Variants in SMYD4 observed in about 807,000 individuals in gnomAD.
SMYD4 encodes the protein protein-lysine N-methyltransferase SMYD4.
A neutral mutation model predicts 72.8 loss-of-function variants in SMYD4; 68 were observed. That is an observed-to-expected ratio of 0.93 (90% CI 0.77 to 1.14). The LOEUF (loss-of-function observed/expected upper bound fraction) is 1.14, where lower values mean the gene tolerates loss of function less well. Ranked by LOEUF, SMYD4 falls within the 50% of genes most tolerant of loss-of-function variation. The probability of loss-of-function intolerance (pLI) is 0.00; values close to 1 mark genes in which losing one functional copy is unlikely to be tolerated. For missense variants in SMYD4, 984 were observed against 1,003.7 expected, an observed-to-expected ratio of 0.98 and a Z score of 0.27; for synonymous variants, 407 against 388.6, an observed-to-expected ratio of 1.05 and a Z score of -0.56.
chr17:1,816,172 T>C (rs976715891), intron 2 of SMYD4, among the ~76,000 whole-genome samples: 2 of 152,192 alleles, frequency 1.3e-5, no homozygotes, highest in Admixed American at 6.6e-5. Context: ...AACTCCATTC[T>C]GCTTTCTGCC....
rs140207568 is a variant in SMYD4, at chr17:1,821,739, T to C, written c.134+6122A>G. Among the ~76,000 whole-genome samples, 242 of 152,278 alleles carry C rather than the reference T, an allele frequency of 1.6e-3. 4 individuals carry two copies. The East Asian group carries it at 0.027, about 17-fold the overall frequency. ...TGAGGTTGGGAGTTTGAGACCAGCC[T>C]GGCCAACATGGTGAAACCCCATCTC... On this transcript the variant is annotated intron_variant, in intron 2 of 10. Transcript: ENST00000305513.
chr17:1,804,791 C>T, intron 3 of SMYD4, 76 bp from the exon 4 acceptor site: 1 of 1,437,368 alleles, frequency 7.0e-7, no homozygotes, highest in Non-Finnish European at 9.7e-7. Context: ...ATATTCCGGG[C>T]TCTAGTACTG....
Position 1,789,743 on chromosome 17 carries a change from T to C in SMYD4, c.1538-2139A>G, listed in dbSNP as rs369129373. On this transcript the variant is annotated intron_variant, in intron 5 of 10. Coordinates refer to ENST00000305513, the MANE Select transcript of SMYD4 (RefSeq NM_052928.3). Reference sequence around the variant, plus strand: ...TCGCACCACTGCACTCCAGCCTGGGTGAAAGAGCGAGACTCTGTCTCAAAA... The same window carrying C: ...TCGCACCACTGCACTCCAGCCTGGGCGAAAGAGCGAGACTCTGTCTCAAAA... Among the ~76,000 whole-genome samples, 922 of 111,806 alleles carry C rather than the reference T, an allele frequency of 8.2e-3. 8 individuals are homozygous for C. The highest frequency in any genetic ancestry group is 0.027 in the African/African-American group (876 of 32,744). The allele number at this position is 111,806 out of a possible 152,430, so 73.3% of individuals were successfully genotyped here.
rs1176271371 is a variant in SMYD4 at position 1,812,131 on chromosome 17, A to C, written c.135-16T>G. The C allele has an allele frequency of 6.2e-7, 1 of 1,608,842 alleles. No homozygotes were observed. Among genetic ancestry groups the C allele is most frequent in the East Asian group, 2.2e-5 (1 of 44,878 alleles). ...ATCCTCAGGTCTGCATGAAGAAAGG[A>C]GGAAACAAAGTAAGCAGAAATGTGT... On this transcript the variant is annotated splice_polypyrimidine_tract_variant and intron_variant, in intron 2 of 10. Transcript: ENST00000305513.
intron 3 of SMYD4, among the ~76,000 whole-genome samples, chr17:1,806,099 T>G (rs992832121): frequency 3.3e-5 from 5 of 151,838 alleles, no homozygotes; most frequent in African/African-American, 1.2e-4. Flanking sequence ...CAATTTTTTG[T>G]ATTTTTTAGT....
chr17:1,829,539 G>T (rs1911409298), intron 1 of SMYD4, 187 bp downstream of exon 1: 1 of 152,556 alleles, frequency 6.6e-6, no homozygotes, highest in Non-Finnish European at 1.5e-5. Flanking sequence ...CTTCTCTAAG[G>T]ACGGGGGCCG....
At chr17:1,819,408 G>A (rs561804671) in intron 2 of SMYD4, among the ~76,000 whole-genome samples, 1 of 152,088 alleles carries the variant, frequency 6.6e-6, no homozygotes, top group Non-Finnish European at 1.5e-5. Flanking sequence ...TATACTTCTT[G>A]TTGCCTCAAA....
At chr17:1,785,777 A>AAAAAAAG (rs1908654814) in intron 7 of SMYD4, among the ~76,000 whole-genome samples, 1 of 12,794 alleles carries the variant, frequency 7.8e-5, no homozygotes, top group African/African-American at 2.5e-4. Context: ...AAAAAAAAAG[A>AAAAAAAG]AAAAAAAAAA....
At chr17:1,804,870 A>G (rs1424818451) in intron 3 of SMYD4, among the ~76,000 whole-genome samples, 155 bp from the exon 4 acceptor site, 1 of 152,212 alleles carries the variant, frequency 6.6e-6, no homozygotes, top group African/African-American at 2.4e-5. Context: ...ACTACCTGAG[A>G]GCAAAGCTGT....
chr17:1,811,421 G>A (rs1421645732), intron 3 of SMYD4, among the ~76,000 whole-genome samples: 2 of 152,184 alleles, frequency 1.3e-5, no homozygotes, highest in Non-Finnish European at 2.9e-5. Context: ...GGCCTCAAGT[G>A]ATCCTCCCGA....
chr17:1,825,123 G>A (rs1337694776), intron 2 of SMYD4, among the ~76,000 whole-genome samples: 2 of 152,064 alleles, frequency 1.3e-5, no homozygotes, highest in African/African-American at 4.8e-5. Context: ...TGATAGCAAC[G>A]TGAGAATGGA....
At chr17:1,782,476 C>T (rs1908416155) in intron 10 of SMYD4, 1 of 76,720 alleles carries the variant, frequency 1.3e-5, no homozygotes, top group African/African-American at 5.2e-5. Context: ...AAGACCCCTT[C>T]TCAAAAAAAA....
intron 2 of SMYD4, among the ~76,000 whole-genome samples, chr17:1,824,004 A>G (rs719913): frequency 0.73 from 110,614 of 152,054 alleles, 41,159 homozygotes; most frequent in Non-Finnish European, 0.8. Flanking sequence ...CATACTTTGA[A>G]GGGGGTTTCT....
At chr17:1,785,439 G>GAAAAAAAAAAAAAAA (rs56261871) in intron 7 of SMYD4, among the ~76,000 whole-genome samples, 1 of 124,550 alleles carries the variant, frequency 8.0e-6, no homozygotes, top group Non-Finnish European at 1.7e-5. Flanking sequence ...AAAAGAAAAA[G>GAAAAAAAAAAAAAAA]AAAAAAAAAA....
intron 5 of SMYD4, among the ~76,000 whole-genome samples, chr17:1,792,182 A>G (rs547510154): frequency 6.6e-6 from 1 of 151,984 alleles, no homozygotes; most frequent in East Asian, 2.0e-4. Context: ...AGCTGGGACT[A>G]CAGGCGCCCG....
In SMYD4 at chr17:1,780,332, A is replaced by G. The variant is rs1027246484; in HGVS notation, c.*954T>C. 1.3e-5 allele frequency: 2 copies of G among 151,378 alleles called. No homozygotes were observed. The highest frequency in any genetic ancestry group is 4.9e-5 in the African/African-American group (2 of 41,180). The allele number at this position is 151,378 out of a possible 1,614,324, so 9.4% of individuals were successfully genotyped here. A position where few individuals can be genotyped will look rare whatever the true frequency, so the allele number is the denominator to read the frequency against. The stretch of plus-strand genomic sequence containing the variant: ...TACCAGGCTCAGGTGACCCTATCTC[A>G]GCTTCTCGAGTAGGTGGGACTACAG... On this transcript the variant is annotated 3_prime_UTR_variant, in exon 11 of 11. Transcript: ENST00000305513.
intron 2 of SMYD4, among the ~76,000 whole-genome samples, chr17:1,815,314 G>A (rs1413206885): frequency 6.6e-6 from 1 of 151,942 alleles, no homozygotes; most frequent in East Asian, 1.9e-4. Context: ...CACCCGCCTT[G>A]GCCTCCCAAA....
rs982924043 is a variant in SMYD4, at chr17:1,780,079, C to G, written c.*1207G>C. On this transcript the variant is annotated 3_prime_UTR_variant, in exon 11 of 11. Coordinates refer to ENST00000305513, the MANE Select transcript of SMYD4 (RefSeq NM_052928.3). Reference sequence around the variant, plus strand: ...AACTGGGAGTTTGTACTGGAGGCCACTTAACTATTTCAAAAAATATTCACC... The same window carrying G: ...AACTGGGAGTTTGTACTGGAGGCCAGTTAACTATTTCAAAAAATATTCACC... 1 of 152,270 alleles carries G rather than the reference C, an allele frequency of 6.6e-6. No homozygotes were observed. Among genetic ancestry groups the G allele is most frequent in the Non-Finnish European group, 1.5e-5 (1 of 68,030 alleles). 9.4% of individuals were successfully genotyped at this position (152,270 alleles called of 1,614,324 possible).
At chr17:1,820,782 T>G (rs1041555907) in intron 2 of SMYD4, among the ~76,000 whole-genome samples, 7 of 152,180 alleles carry the variant, frequency 4.6e-5, no homozygotes, top group African/African-American at 1.7e-4. Flanking sequence ...ATGAAAGGCA[T>G]CTCTTGTGGG....
Sources: allele counts gnomAD v4.1 joint callset (sites outside exome capture counted in the v4.1 genomes callset), GRCh38; gene constraint gnomAD v4.1.1; transcripts MANE v1.5; gene names NCBI Gene and HGNC (gene_info 2026-07-23, HGNC 2026-07-21).